Variants in CLIC6 observed in about 807,000 individuals in gnomAD.
The protein encoded by CLIC6 is CLIC family member 6.
Under a neutral mutation model 49.2 loss-of-function variants are expected in CLIC6, and 39 were observed. That is an observed-to-expected ratio of 0.79 (90% CI 0.61 to 1.04). The LOEUF is 1.04. Ranked by LOEUF, CLIC6 falls within the 50% of genes least tolerant of loss-of-function variation. The pLI is 0.00. For missense variants in CLIC6, 988 were observed against 993.1 expected (o/e 0.99, Z 0.07); for synonymous variants, 446 against 433.4 (o/e 1.03, Z -0.36).
intron 1 of CLIC6, among the ~76,000 whole-genome samples, chr21:34,706,981 G>T (rs1425842746): frequency 6.6e-6 from 1 of 152,192 alleles, no homozygotes. Context: ...CCTTCCATCA[G>T]TGAGCTGCTG....
chr21:34,706,685 G>A (rs1208651707), intron 1 of CLIC6, among the ~76,000 whole-genome samples: 1 of 152,200 alleles, frequency 6.6e-6, no homozygotes, highest in Admixed American at 6.5e-5. Context: ...AGGAAGCTTT[G>A]AGTCTGGTGT....
Position 34,689,815 on chromosome 21 carries a change from C to T in CLIC6, c.1375-17465C>T, listed in dbSNP as rs550305241. On this transcript the variant is annotated intron_variant, in intron 1 of 5. Coordinates refer to ENST00000349499, the MANE Select transcript of CLIC6 (RefSeq NM_053277.3). The stretch of plus-strand genomic sequence containing the variant: ...CTTTCTTAGGTTTGGCAGAAGCTTT[C>T]GGACAACTCCATGTCTTTGTTGGCT... Among the ~76,000 whole-genome samples the T allele has an allele frequency of 2.4e-4, 36 of 152,278 alleles. 1 individual carries two copies. The South Asian group carries it at 5.6e-3, about 24-fold the overall frequency.
intron 5 of CLIC6, 27 bp from the exon 6 acceptor site, chr21:34,716,294 T>C: frequency 6.2e-7 from 1 of 1,603,834 alleles, no homozygotes. Context: ...GTTTTCCCTT[T>C]ACTGATCATT....
Position 34,669,734 on chromosome 21 carries a change from G to A in CLIC6, c.346G>A (p.Gly116Ser), listed in dbSNP as rs1017031747. ...QQVEGASPGR[G>S]AQGEPRGEAQ... The stretch of plus-strand genomic sequence containing the variant: ...GGTGGAGGGGGCGAGCCCGGGACGC[G>A]GCGCGCAGGGCGAGCCCCGCGGGGA... Residue 116 changes from glycine to serine, a missense_variant, in exon 1 of 6, where the codon GGC becomes AGC. Transcript: ENST00000349499. 1 of 1,384,548 alleles carries A rather than the reference G, an allele frequency of 7.2e-7. No individual in the cohort carries two copies. Among genetic ancestry groups the A allele is most frequent in the Non-Finnish European group, 9.3e-7 (1 of 1,079,498 alleles). The allele number at this position is 1,384,548 out of a possible 1,614,324, so 85.8% of individuals were successfully genotyped here.
intron 1 of CLIC6, among the ~76,000 whole-genome samples, chr21:34,676,825 A>C (rs1471624966): frequency 6.6e-6 from 1 of 152,204 alleles, no homozygotes; most frequent in Non-Finnish European, 1.5e-5. Context: ...TCTTTGGTCT[A>C]TCATTCTCTG....
chr21:34,696,306 C>T (rs1326786924), intron 1 of CLIC6, among the ~76,000 whole-genome samples: 1 of 152,214 alleles, frequency 6.6e-6, no homozygotes, highest in Non-Finnish European at 1.5e-5. Flanking sequence ...CATTTTCTGT[C>T]CTAACCACTG....
chr21:34,704,447 TTC>T (rs1333224258), intron 1 of CLIC6, among the ~76,000 whole-genome samples: 1 of 152,224 alleles, frequency 6.6e-6, no homozygotes, highest in African/African-American at 2.4e-5. Flanking sequence ...GATATGTAAA[TTC>T]TGTTTTATTG....
intron 4 of CLIC6, 57 bp downstream of exon 4, chr21:34,708,863 C>A (rs899486232): frequency 1.7e-6 from 2 of 1,208,928 alleles, no homozygotes; most frequent in South Asian, 1.2e-5. Flanking sequence ...CTTAGCATGG[C>A]GGCCCATACG....
rs1475979531 is a variant in CLIC6 at position 34,717,489 on chromosome 21, C to T, written c.*1007C>T. 1.3e-5 allele frequency: 2 copies of T among 152,070 alleles called. No homozygotes were observed. The highest frequency in any genetic ancestry group is 2.9e-5 in the Non-Finnish European group (2 of 68,030). The allele number at this position is 152,070 out of a possible 1,614,324, so 9.4% of individuals were successfully genotyped here. On this transcript the variant is annotated 3_prime_UTR_variant, in exon 6 of 6. Coordinates refer to ENST00000349499, the MANE Select transcript of CLIC6 (RefSeq NM_053277.3). ...GAGATTAAATTCATGGTGACAAGTC[C>T]TGGGCAGTTCTGGTAAACGGTCCAG...
chr21:34,708,378 G>A (rs1390247092), intron 3 of CLIC6, among the ~76,000 whole-genome samples: 2 of 152,140 alleles, frequency 1.3e-5, no homozygotes. Context: ...AAGTATCATG[G>A]ATTTTTGGAC....
chr21:34,680,008 G>A (rs1989745355), intron 1 of CLIC6, among the ~76,000 whole-genome samples: 1 of 152,246 alleles, frequency 6.6e-6, no homozygotes, highest in African/African-American at 2.4e-5. Flanking sequence ...AGCCCTACTA[G>A]GCAGTGCCCC....
At chr21:34,681,168 C>T (rs1039697451) in intron 1 of CLIC6, among the ~76,000 whole-genome samples, 1 of 152,174 alleles carries the variant, frequency 6.6e-6, no homozygotes, top group Non-Finnish European at 1.5e-5. Context: ...GCAATCGTGG[C>T]AGAAGGGGAA....
At position 34,717,080 on chromosome 21, in the gene CLIC6, G is replaced by T. The variant is rs879571163; in HGVS notation, c.*598G>T. The stretch of plus-strand genomic sequence containing the variant: ...GGAGTGGGGAATTGTGAAGCCCACA[G>T]ATGCGCACGCAATGACCAGCAGGAA... On this transcript the variant is annotated 3_prime_UTR_variant, in exon 6 of 6. Coordinates refer to ENST00000349499, the MANE Select transcript of CLIC6 (RefSeq NM_053277.3). The T allele has an allele frequency of 6.6e-6, 1 of 152,208 alleles. No individual in the cohort carries two copies. Among genetic ancestry groups the T allele is most frequent in the Admixed American group, 6.5e-5 (1 of 15,274 alleles). The allele number at this position is 152,208 out of a possible 1,614,324, so 9.4% of individuals were successfully genotyped here. A position where few individuals can be genotyped will look rare whatever the true frequency, so the allele number is the denominator to read the frequency against.
chr21:34,697,088 T>C (rs1990101103), intron 1 of CLIC6, among the ~76,000 whole-genome samples: 1 of 152,104 alleles, frequency 6.6e-6, no homozygotes, highest in African/African-American at 2.4e-5. Flanking sequence ...AAAGAGAAAT[T>C]GCAGCCTTTG....
At chr21:34,705,640 A>G (rs1356587884) in intron 1 of CLIC6, among the ~76,000 whole-genome samples, 2 of 151,992 alleles carry the variant, frequency 1.3e-5, no homozygotes, top group Non-Finnish European at 2.9e-5. Flanking sequence ...GAGCTTAGGG[A>G]CTCTGAATTC....
intron 1 of CLIC6, among the ~76,000 whole-genome samples, chr21:34,684,568 A>G (rs1206660825): frequency 5.3e-5 from 8 of 152,258 alleles, no homozygotes; most frequent in Non-Finnish European, 7.3e-5. Context: ...TTATATTACT[A>G]TCCATAAGTT....
Position 34,670,703 on chromosome 21 carries a change from G to T in CLIC6, c.1315G>T (p.Gly439Ter). The T allele has an allele frequency of 6.3e-7, 1 of 1,592,164 alleles. No homozygotes were observed. The highest frequency in any genetic ancestry group is 1.1e-5 in the South Asian group (1 of 88,790). ...AARVNGRRED[G>*]EASEPRALGQ... is the part of the protein sequence containing the mutation. ...GCGCGTGAACGGCCGCCGGGAGGAC[G>T]GAGAGGCGTCCGAGCCCCGGGCCCT... The change falls in exon 1 of 6, where the codon GGA (glycine) becomes TGA (stop). Residue 439 changes from glycine (G) to a stop codon, truncating the protein, a stop_gained. Transcript: ENST00000349499. LOFTEE classifies it high-confidence loss of function.
intron 1 of CLIC6, among the ~76,000 whole-genome samples, chr21:34,697,733 G>A (rs750403126): frequency 5.3e-5 from 8 of 152,316 alleles, no homozygotes; most frequent in South Asian, 2.1e-4. Flanking sequence ...AGTTGGTCAC[G>A]CAGTGATTGT....
At chr21:34,708,102 A>T (rs773967865) in intron 3 of CLIC6, 33 bp downstream of exon 3, 1 of 1,612,636 alleles carries the variant, frequency 6.2e-7, no homozygotes, top group East Asian at 2.2e-5. Flanking sequence ...TCATAACTTG[A>T]TTGTCACTTT....
Sources: allele counts gnomAD v4.1 joint callset (sites outside exome capture counted in the v4.1 genomes callset), GRCh38; gene constraint gnomAD v4.1.1; transcripts MANE v1.5; gene names NCBI Gene and HGNC (gene_info 2026-07-23, HGNC 2026-07-21).